The following SH3RF2 variants were observed in gnomAD, a reference collection of about 807,000 sequenced individuals.
SH3RF2 encodes the protein E3 ubiquitin-protein ligase SH3RF2.
In SH3RF2, 43 loss-of-function variants were observed where a neutral mutation model predicts 59.0. The observed-to-expected ratio is 0.73, with a 90% CI of 0.57 to 0.94. The LOEUF (loss-of-function observed/expected upper bound fraction) is 0.94, where lower values mean the gene tolerates loss of function less well. SH3RF2 is among the 40% of genes least tolerant of loss of function. The pLI is 0.00. For missense variants in SH3RF2, 930 were observed against 940.1 expected (o/e 0.99, Z 0.14); for synonymous variants, 391 against 391.5 (o/e 1.00, Z 0.01).
At chr5:146,076,066 T>C (rs1322993014) in intron 9 of SH3RF2, among the ~76,000 whole-genome samples, 1 of 152,052 alleles carries the variant, frequency 6.6e-6, no homozygotes, top group African/African-American at 2.4e-5. Context: ...GATCTTAGAG[T>C]GGAAGTTCTT....
chr5:146,034,776 G>A (rs532151360), intron 5 of SH3RF2, among the ~76,000 whole-genome samples: 2 of 152,280 alleles, frequency 1.3e-5, no homozygotes, highest in East Asian at 1.9e-4. Flanking sequence ...TTCCAAGAAT[G>A]TAAATCCTTC....
At chr5:145,958,269 G>T (rs1447903282) in intron 2 of SH3RF2, among the ~76,000 whole-genome samples, 1 of 152,176 alleles carries the variant, frequency 6.6e-6, no homozygotes, top group East Asian at 1.9e-4. Flanking sequence ...AGACTAGGCG[G>T]AACCCTGTAA....
In SH3RF2 at chr5:145,995,320, A is replaced by G. The variant is rs115728361; in HGVS notation, c.379-4738A>G. ...TAAAAATGTGACCAATATTCCAGGT[A>G]GTCATGTACCCAGAAAAATGTGATA... On this transcript the variant is annotated intron_variant, in intron 2 of 9. Coordinates refer to ENST00000359120, the MANE Select transcript of SH3RF2 (RefSeq NM_152550.4). 9.5e-3 allele frequency among the ~76,000 whole-genome samples: 1,451 copies of G among 152,348 alleles called. 9 individuals carry two copies. The highest frequency in any genetic ancestry group is 0.035 in the South Asian group (168 of 4,828).
At chr5:145,949,635 G>C (rs946669303) in intron 2 of SH3RF2, among the ~76,000 whole-genome samples, 5 of 152,156 alleles carry the variant, frequency 3.3e-5, no homozygotes, top group African/African-American at 1.2e-4. Flanking sequence ...AGAGAAAGCC[G>C]AGTAGATTGG....
At chr5:145,995,332 A>T (rs79019024) in intron 2 of SH3RF2, among the ~76,000 whole-genome samples, 235 of 152,356 alleles carry the variant, frequency 1.5e-3, no homozygotes, top group Admixed American at 4.1e-3. Context: ...TCATGTACCC[A>T]GAAAAATGTG....
At chr5:145,939,871 T>G (rs1757748377) in intron 2 of SH3RF2, among the ~76,000 whole-genome samples, 1 of 152,188 alleles carries the variant, frequency 6.6e-6, no homozygotes, top group South Asian at 2.1e-4. Context: ...TATCATCACT[T>G]ACTCAGGAAA....
intron 2 of SH3RF2, among the ~76,000 whole-genome samples, chr5:145,987,873 A>G (rs1290028000): frequency 6.6e-6 from 1 of 152,214 alleles, no homozygotes; most frequent in East Asian, 1.9e-4. Flanking sequence ...CAGGCATTCC[A>G]CTAAGTATTC....
chr5:146,007,992 T>TA (rs764619228), intron 4 of SH3RF2, among the ~76,000 whole-genome samples: 335 of 152,332 alleles, frequency 2.2e-3, no homozygotes, highest in Non-Finnish European at 3.4e-3. Context: ...GAGGCTTTCT[T>TA]ATGAGCATGA....
intron 5 of SH3RF2, among the ~76,000 whole-genome samples, chr5:146,044,175 G>C (rs914483497): frequency 2.0e-5 from 3 of 148,908 alleles, no homozygotes; most frequent in Admixed American, 1.3e-4. Flanking sequence ...TTTTAAGACA[G>C]AGTCTCGCTC....
chr5:146,043,445 G>A (rs1028597921), intron 5 of SH3RF2, among the ~76,000 whole-genome samples: 4 of 152,290 alleles, frequency 2.6e-5, no homozygotes, highest in South Asian at 4.1e-4. Context: ...GCCTTAACTA[G>A]ATAATGTATT....
intron 2 of SH3RF2, among the ~76,000 whole-genome samples, chr5:145,958,781 T>C (rs1015271875): frequency 4.6e-5 from 7 of 152,158 alleles, no homozygotes; most frequent in Non-Finnish European, 8.8e-5. Context: ...GCCCGGGCCA[T>C]TGTAATCAGT....
intron 2 of SH3RF2, among the ~76,000 whole-genome samples, chr5:145,965,278 G>A (rs978574894): frequency 1.3e-5 from 2 of 152,012 alleles, no homozygotes; most frequent in African/African-American, 4.8e-5. Flanking sequence ...TCCCAGAAAT[G>A]GCACGGCCTG....
intron 2 of SH3RF2, among the ~76,000 whole-genome samples, chr5:145,999,415 T>A (rs1760302205): frequency 6.6e-6 from 1 of 152,222 alleles, no homozygotes; most frequent in Admixed American, 6.5e-5. Context: ...ACTTTTCTTT[T>A]GCATTCACAG....
chr5:146,012,402 C>T (rs202215001), intron 4 of SH3RF2, among the ~76,000 whole-genome samples: 2 of 152,314 alleles, frequency 1.3e-5, no homozygotes, highest in East Asian at 3.9e-4. Flanking sequence ...AGGATTCCCT[C>T]TTATTCTATT....
intron 3 of SH3RF2, among the ~76,000 whole-genome samples, chr5:146,001,373 A>G (rs955711991): frequency 6.6e-6 from 1 of 152,164 alleles, no homozygotes; most frequent in Non-Finnish European, 1.5e-5. Context: ...TTTTTATTCC[A>G]CCACTACCAG....
At chr5:146,034,581 G>A (rs1761862935) in intron 5 of SH3RF2, among the ~76,000 whole-genome samples, 1 of 152,070 alleles carries the variant, frequency 6.6e-6, no homozygotes, top group Non-Finnish European at 1.5e-5. Context: ...TGGACTTTGT[G>A]GCCACATTCT....
intron 5 of SH3RF2, among the ~76,000 whole-genome samples, chr5:146,037,907 G>C (rs566023869): frequency 1.9e-4 from 29 of 152,102 alleles, no homozygotes; most frequent in Non-Finnish European, 3.8e-4. Context: ...CTTCACTCAG[G>C]AACACAGATG....
At chr5:146,017,362 G>T (rs1761143022) in intron 5 of SH3RF2, among the ~76,000 whole-genome samples, 1 of 133,596 alleles carries the variant, frequency 7.5e-6, no homozygotes, top group African/African-American at 2.6e-5. Flanking sequence ...CTTCAGAAAT[G>T]CCTCTTTGGG....
intron 6 of SH3RF2, 92 bp from the exon 7 acceptor site, chr5:146,048,983 A>T: frequency 6.9e-7 from 1 of 1,458,674 alleles, no homozygotes; most frequent in South Asian, 1.2e-5. Context: ...ATTGCTAACC[A>T]CTGGGCAGTC....
Sources: allele counts gnomAD v4.1 joint callset (sites outside exome capture counted in the v4.1 genomes callset), GRCh38; gene constraint gnomAD v4.1.1; transcripts MANE v1.5; gene names NCBI Gene and HGNC (gene_info 2026-07-23, HGNC 2026-07-21).